PCDH15: variants seen among roughly 807,000 people sequenced by gnomAD.
PCDH15 encodes protocadherin related 15.
PCDH15 carries 129 observed loss-of-function variants against 178.5 expected under a neutral mutation model. The ratio of observed to expected loss-of-function variants is 0.72; its 90% CI spans 0.63 to 0.84. The LOEUF (loss-of-function observed/expected upper bound fraction) is 0.84. Ranked by LOEUF, PCDH15 falls within the 40% of genes least tolerant of loss-of-function variation. The pLI, the probability that PCDH15 is intolerant of heterozygous loss-of-function variation, is 0.00. For missense variants in PCDH15, 2,230 were observed against 2,099.9 expected, an observed-to-expected ratio of 1.06 and a Z score of -1.21; for synonymous variants, 800 against 732.0, an observed-to-expected ratio of 1.09 and a Z score of -1.50.
intron 1 of PCDH15, among the ~76,000 whole-genome samples, chr10:54,690,261 A>G (rs1009653531): frequency 1.3e-5 from 2 of 152,008 alleles, no homozygotes; most frequent in African/African-American, 4.8e-5. Context: ...ATAATACTCA[A>G]TAATGTTAAT....
chr10:54,632,866 A>C (rs1487953787), intron 2 of PCDH15, among the ~76,000 whole-genome samples: 4 of 152,176 alleles, frequency 2.6e-5, no homozygotes, highest in Non-Finnish European at 5.9e-5. Context: ...AGAAGTTCCA[A>C]GAAAAAAATA....
chr10:54,777,364 T>A (rs1359155836), intron 1 of PCDH15, among the ~76,000 whole-genome samples: 2 of 152,062 alleles, frequency 1.3e-5, no homozygotes, highest in African/African-American at 2.4e-5. Flanking sequence ...TGAGTTGACG[T>A]TTAGGAGAAA....
chr10:54,838,497 A>G (rs1591732750), intron 3 of PCDH15, among the ~76,000 whole-genome samples: 1 of 152,172 alleles, frequency 6.6e-6, no homozygotes, highest in South Asian at 2.1e-4. Context: ...CTGTGAGTCC[A>G]TTAAACCTCT....
Position 54,053,889 on chromosome 10 carries a change from G to A in PCDH15, c.2220+12868C>T, listed in dbSNP as rs116413406. Among the ~76,000 whole-genome samples the A allele has an allele frequency of 3.8e-3, 580 of 152,230 alleles. 2 individuals are homozygous for A. The highest frequency in any genetic ancestry group is 0.013 in the African/African-American group (558 of 41,550). ...CTCACAGGCTGTAGCAATAGTTCAA[G>A]TGAGAAATAATAAGAGCCTGATTAT... is the stretch of plus-strand genomic sequence containing the variant. On this transcript the variant is annotated intron_variant, in intron 18 of 37. Coordinates refer to ENST00000644397, the MANE Select transcript of PCDH15 (RefSeq NM_001384140.1).
At chr10:54,816,379 A>G (rs1281423845) in intron 3 of PCDH15, among the ~76,000 whole-genome samples, 2 of 152,070 alleles carry the variant, frequency 1.3e-5, no homozygotes, top group Non-Finnish European at 2.9e-5. Context: ...TGAGTGAGGA[A>G]GAAAGACACA....
chr10:55,442,220 C>A (rs1839203435), intron 2 of PCDH15, among the ~76,000 whole-genome samples: 2 of 151,514 alleles, frequency 1.3e-5, no homozygotes, highest in Non-Finnish European at 1.5e-5. Context: ...AAATCTGAAG[C>A]AATATGTTAA....
intron 2 of PCDH15, among the ~76,000 whole-genome samples, chr10:54,626,494 G>A (rs1010971421): frequency 2.0e-5 from 3 of 152,204 alleles, no homozygotes; most frequent in Non-Finnish European, 2.9e-5. Context: ...AGCTTGAGCT[G>A]TGGCTTCAGA....
chr10:54,404,210 C>T (rs1952313711), intron 3 of PCDH15, among the ~76,000 whole-genome samples: 1 of 151,682 alleles, frequency 6.6e-6, no homozygotes, highest in African/African-American at 2.4e-5. Flanking sequence ...CCTGAATAGC[C>T]AAGGCATTCC....
chr10:54,462,566 G>A (rs2077255873), intron 3 of PCDH15, among the ~76,000 whole-genome samples: 1 of 128,078 alleles, frequency 7.8e-6, no homozygotes, highest in South Asian at 2.6e-4. Flanking sequence ...CCAGGCTGGA[G>A]TGCAGTGGCA....
chr10:54,092,298 G>A (rs2094612036), intron 15 of PCDH15, among the ~76,000 whole-genome samples: 1 of 151,934 alleles, frequency 6.6e-6, no homozygotes, highest in Non-Finnish European at 1.5e-5. Context: ...CATGGATTAT[G>A]GTAGTAACTA....
intron 18 of PCDH15, among the ~76,000 whole-genome samples, chr10:54,051,466 G>A (rs1039225906): frequency 1.3e-5 from 2 of 152,110 alleles, no homozygotes; most frequent in African/African-American, 4.8e-5. Flanking sequence ...AACTCGTTGG[G>A]AAATAGAGTA....
intron 3 of PCDH15, among the ~76,000 whole-genome samples, chr10:54,458,233 G>A (rs939068600): frequency 2.0e-5 from 3 of 152,038 alleles, no homozygotes; most frequent in Admixed American, 2.0e-4. Flanking sequence ...ATGAAGCCAG[G>A]CCCAACAGAA....
chr10:55,359,793 A>G (rs1845185397), intron 2 of PCDH15, among the ~76,000 whole-genome samples: 1 of 149,514 alleles, frequency 6.7e-6, no homozygotes, highest in South Asian at 2.1e-4. Context: ...TAAACAATGA[A>G]ATACTATTCA....
chr10:55,151,910 G>T (rs527258242), intron 2 of PCDH15, among the ~76,000 whole-genome samples: 3 of 148,462 alleles, frequency 2.0e-5, no homozygotes, highest in African/African-American at 7.5e-5. Flanking sequence ...ATATAGAAAG[G>T]ATGTGTTTTT....
intron 29 of PCDH15, among the ~76,000 whole-genome samples, chr10:53,838,810 G>C (rs964507982): frequency 6.6e-6 from 1 of 151,934 alleles, no homozygotes; most frequent in Non-Finnish European, 1.5e-5. Context: ...GCTTCATTTT[G>C]GTGGTGACTA....
intron 8 of PCDH15, among the ~76,000 whole-genome samples, chr10:54,315,325 A>T (rs1329507642): frequency 1.3e-5 from 2 of 152,184 alleles, no homozygotes; most frequent in Admixed American, 6.5e-5. Flanking sequence ...TATTGGCCAC[A>T]TGTATGTATT....
chr10:53,945,839 A>G (rs1439177226), intron 23 of PCDH15, among the ~76,000 whole-genome samples: 72 of 4,162 alleles, frequency 0.017, no homozygotes, highest in African/African-American at 0.076. Flanking sequence ...ATTTCATTGT[A>G]TATATATATA....
At chr10:54,574,074 G>T (rs1438930137) in intron 2 of PCDH15, among the ~76,000 whole-genome samples, 1 of 151,784 alleles carries the variant, frequency 6.6e-6, no homozygotes, top group Non-Finnish European at 1.5e-5. Flanking sequence ...CATTGCTTTT[G>T]GTGTTTTAGA....
At chr10:55,510,739 G>A (rs1423049017) in intron 2 of PCDH15, among the ~76,000 whole-genome samples, 1 of 151,334 alleles carries the variant, frequency 6.6e-6, no homozygotes, top group African/African-American at 2.4e-5. Context: ...TATCCTCCTT[G>A]TATCAAACAC....
Sources: gnomAD v4.1 joint callset for allele counts (sites outside exome capture counted in the v4.1 genomes callset) on GRCh38, gnomAD v4.1.1 for gene constraint, MANE v1.5 for transcripts, NCBI Gene and HGNC (gene_info 2026-07-23, HGNC 2026-07-21) for gene names.